The following MTERF4 variants were observed in gnomAD, a reference collection of about 807,000 sequenced individuals.
MTERF4 encodes mitochondrial transcription termination factor 4.
Under a neutral mutation model 22.5 loss-of-function variants are expected in MTERF4, and 17 were observed. The ratio of observed to expected loss-of-function variants is 0.75; its 90% CI spans 0.52 to 1.13. The LOEUF is 1.13. Ranked by LOEUF, MTERF4 falls within the 50% of genes most tolerant of loss-of-function variation. The pLI, the probability that MTERF4 is intolerant of heterozygous loss-of-function variation, is 0.00. For synonymous variants in MTERF4, 165 were observed against 175.3 expected, an observed-to-expected ratio of 0.94 and a Z score of 0.47; for missense variants, 420 against 466.8, an observed-to-expected ratio of 0.90 and a Z score of 0.92.
chr2:241,056,475 G>GA, the MTERF4 span, among the ~76,000 whole-genome samples: 4 of 131,070 alleles, frequency 3.1e-5, no homozygotes, highest in Admixed American at 7.6e-5. Context: ...TACAACAGAA[G>GA]AAAAAAAACC....
Position 241,096,735 on chromosome 2 carries a change from G to A in MTERF4, c.706-297C>T. The A allele has an allele frequency of 1.7e-6, 1 of 605,632 alleles. No homozygotes were observed. The highest frequency in any genetic ancestry group is 3.1e-6 in the Non-Finnish European group (1 of 320,574). The allele number at this position is 605,632 out of a possible 1,614,324, so 37.5% of individuals were successfully genotyped here. A position where few individuals can be genotyped will look rare whatever the true frequency, so the allele number is the denominator to read the frequency against. On this transcript the variant is annotated intron_variant, in intron 3 of 3. Transcript: ENST00000391980. This position sits in a 1 kb window ranked among gnomAD's most constrained non-coding sequence, Gnocchi z 5.1. Reference sequence around the variant, plus strand: ...TTTTCTTTAAATGGGGAAGGAAAAGGATGAATATGGAAAGAATAGGCAAAA... The same window carrying A: ...TTTTCTTTAAATGGGGAAGGAAAAGAATGAATATGGAAAGAATAGGCAAAA...
chr2:241,091,862 C>G (rs2064030534), downstream of MTERF4: 1 of 152,540 alleles, frequency 6.6e-6, no homozygotes, highest in Non-Finnish European at 1.5e-5. This position sits in a 1 kb window ranked among gnomAD's most constrained non-coding sequence, Gnocchi z 4.1. Flanking sequence ...ACCTGTGAGT[C>G]CTGCGATGCG....
At chr2:241,055,132 A>G in the MTERF4 span, among the ~76,000 whole-genome samples, 1 of 152,128 alleles carries the variant, frequency 6.6e-6, no homozygotes, top group Non-Finnish European at 1.5e-5. Context: ...AAAAAAAGAA[A>G]AAATATTTGT....
chr2:241,048,010 G>A, the MTERF4 span, among the ~76,000 whole-genome samples: 2 of 150,658 alleles, frequency 1.3e-5, no homozygotes, highest in Admixed American at 6.6e-5. Flanking sequence ...CCAATCCTGG[G>A]TGGTCTCTCC....
At chr2:241,068,814 G>A (rs896673875), downstream of MTERF4, 46 of 808,784 alleles carry the variant, frequency 5.7e-5, no homozygotes, top group South Asian at 1.1e-4. The surrounding 1 kb of genome is among the most constrained non-coding windows in gnomAD (Gnocchi z 5.3). Context: ...TGACCTCCCC[G>A]CAGTCACCTC....
chr2:241,056,420 T>C, the MTERF4 span, among the ~76,000 whole-genome samples: 1 of 150,548 alleles, frequency 6.6e-6, no homozygotes, highest in African/African-American at 2.4e-5. Flanking sequence ...CCAGCTGAAA[T>C]GAATAAATTG....
the MTERF4 span, among the ~76,000 whole-genome samples, chr2:241,063,139 G>A: frequency 5.9e-5 from 9 of 152,246 alleles, no homozygotes; most frequent in East Asian, 1.9e-4. Flanking sequence ...GCTTCAGGGC[G>A]CAGAGAAGGT....
At chr2:241,053,006 C>A in the MTERF4 span, 1 of 728,098 alleles carries the variant, frequency 1.4e-6, no homozygotes, top group Non-Finnish European at 2.2e-6. Context: ...CAACCAGGCC[C>A]CAGAAGTCGA....
the MTERF4 span, chr2:241,063,673 G>C: frequency 6.2e-7 from 1 of 1,611,388 alleles, no homozygotes; most frequent in Non-Finnish European, 8.5e-7. Flanking sequence ...GTGCCCTGCA[G>C]GCTTCGTTGG....
At chr2:241,079,265 A>G (rs2063206110) in intron 4 of MTERF4, among the ~76,000 whole-genome samples, 1 of 150,608 alleles carries the variant, frequency 6.6e-6, no homozygotes, top group Non-Finnish European at 1.5e-5. Flanking sequence ...ACAAAAAATT[A>G]GCCGGGCGCA....
the MTERF4 span, among the ~76,000 whole-genome samples, chr2:241,045,505 T>C: frequency 6.6e-6 from 1 of 152,086 alleles, no homozygotes; most frequent in South Asian, 2.1e-4. Context: ...CAAACAAATA[T>C]AGCCAATTAA....
the MTERF4 span, chr2:241,048,998 TG>T: frequency 6.3e-7 from 1 of 1,578,630 alleles, no homozygotes; most frequent in Non-Finnish European, 8.7e-7. Flanking sequence ...GAATATGGGA[TG>T]GGGCTTCCTC....
At chr2:241,065,662 C>A in the MTERF4 span, 1 of 1,386,034 alleles carries the variant, frequency 7.2e-7, no homozygotes, top group Non-Finnish European at 1.0e-6. Flanking sequence ...CTGGCCCCGG[C>A]ACCTGCAGGG....
chr2:241,077,643 A>G (rs1393876678), intron 4 of MTERF4, among the ~76,000 whole-genome samples: 3 of 152,192 alleles, frequency 2.0e-5, no homozygotes, highest in East Asian at 1.9e-4. Context: ...AAGAGCTCTG[A>G]CAACTAAACA....
chr2:241,072,372 TG>T, exon 5 of MTERF4: 1 of 371,368 alleles, frequency 2.7e-6, no homozygotes, highest in Non-Finnish European at 5.3e-6. Context: ...GTTTACTGGG[TG>T]AGTGCCGCTC....
rs1415351479 is a variant in MTERF4 at position 241,073,040 on chromosome 2, T to C, written n.3122A>G. ...CCCTGAAGCAGCTCTGAGGGGGCCC[T>C]GCAAGGGGAAGGCCGAGCCCCTCCA... On this transcript the variant is annotated non_coding_transcript_exon_variant, in exon 5 of 5. Coordinates refer to the MTERF4 transcript ENST00000464344. This position sits in a 1 kb window ranked among gnomAD's most constrained non-coding sequence, Gnocchi z 6.6. 9.3e-6 allele frequency: 5 copies of C among 537,826 alleles called. No homozygotes were observed. The highest frequency in any genetic ancestry group is 1.7e-5 in the Non-Finnish European group (5 of 302,334). 33.3% of individuals were successfully genotyped at this position (537,826 alleles called of 1,614,324 possible).
chr2:241,083,852 T>C (rs2063447601), downstream of MTERF4, among the ~76,000 whole-genome samples: 1 of 152,160 alleles, frequency 6.6e-6, no homozygotes, highest in African/African-American at 2.4e-5. Context: ...TTAGACCATT[T>C]ACTACCTTCC....
the MTERF4 span, chr2:241,062,916 C>T: frequency 6.5e-7 from 1 of 1,534,784 alleles, no homozygotes; most frequent in South Asian, 1.2e-5. Flanking sequence ...TAAGAGGGGC[C>T]CTGGCCCCGC....
At chr2:241,063,995 C>G in the MTERF4 span, 7 of 1,537,854 alleles carry the variant, frequency 4.6e-6, no homozygotes, top group Non-Finnish European at 6.2e-6. Flanking sequence ...TGGGCCCACT[C>G]TCTGGGTGTT....
Sources: allele counts gnomAD v4.1 joint callset (sites outside exome capture counted in the v4.1 genomes callset), GRCh38; gene constraint gnomAD v4.1.1; non-coding constraint Gnocchi (gnomAD v3.1); transcripts MANE v1.5; gene names NCBI Gene and HGNC (gene_info 2026-07-23, HGNC 2026-07-21).